NKAIN2: variants seen among roughly 807,000 people sequenced by gnomAD.
NKAIN2 encodes sodium/potassium transporting ATPase interacting 2.
NKAIN2 carries 14 observed loss-of-function variants against 32.6 expected under a neutral mutation model. The observed-to-expected ratio is 0.43, with a 90% CI of 0.28 to 0.67. NKAIN2 has a LOEUF of 0.67. Ranked by LOEUF, NKAIN2 falls within the 30% of genes least tolerant of loss-of-function variation. The pLI, the probability that NKAIN2 is intolerant of heterozygous loss-of-function variation, is 0.17. For missense variants in NKAIN2, 198 were observed against 258.3 expected, an observed-to-expected ratio of 0.77 and a Z score of 1.60; for synonymous variants, 80 against 87.2, an observed-to-expected ratio of 0.92 and a Z score of 0.46.
intron 1 of NKAIN2, among the ~76,000 whole-genome samples, chr6:123,836,570 G>A (rs1395003180): frequency 4.6e-5 from 7 of 151,810 alleles, no homozygotes; most frequent in East Asian, 1.9e-4. Flanking sequence ...ATGAGGAACC[G>A]TCACAATTTG....
intron 3 of NKAIN2, among the ~76,000 whole-genome samples, chr6:124,522,977 A>T (rs1401225398): frequency 6.7e-6 from 1 of 148,986 alleles, no homozygotes; most frequent in Non-Finnish European, 1.5e-5. Flanking sequence ...CCCCGTCTCT[A>T]CTAAAAATAC....
chr6:124,807,679 C>T lies in NKAIN2; in HGVS notation c.536-10708C>T, dbSNP rs1289194569. On this transcript the variant is annotated intron_variant, in intron 5 of 6. Transcript: ENST00000368417. ...GGAAATAGAGACACAAAAAACCCTTCAAAAAATTAATGAATCCAGGAGCTG... is the reference window on the plus strand; with the variant it reads ...GGAAATAGAGACACAAAAAACCCTTTAAAAAATTAATGAATCCAGGAGCTG... Among the ~76,000 whole-genome samples, 10 of 149,864 alleles carry T rather than the reference C, an allele frequency of 6.7e-5. No homozygotes were observed. In the South Asian group the frequency reaches 1.9e-3, roughly 29 times the overall value.
chr6:124,699,622 C>T (rs2114563610), intron 4 of NKAIN2, among the ~76,000 whole-genome samples: 1 of 152,208 alleles, frequency 6.6e-6, no homozygotes, highest in East Asian at 1.9e-4. Context: ...GCACCTTCCC[C>T]ACTCTCTTGC....
chr6:123,834,929 G>A (rs1194199535), intron 1 of NKAIN2, among the ~76,000 whole-genome samples: 1 of 152,018 alleles, frequency 6.6e-6, no homozygotes, highest in East Asian at 1.9e-4. Context: ...ACTTGGTTGT[G>A]GTGTATAATT....
At chr6:124,145,677 T>C (rs893517553) in intron 1 of NKAIN2, among the ~76,000 whole-genome samples, 19 of 152,030 alleles carry the variant, frequency 1.2e-4, no homozygotes, top group Non-Finnish European at 2.5e-4. Context: ...AGCTAATTTT[T>C]TGTATTTTTA....
At chr6:124,057,979 G>T (rs1782739517) in intron 1 of NKAIN2, among the ~76,000 whole-genome samples, 1 of 151,994 alleles carries the variant, frequency 6.6e-6, no homozygotes, top group East Asian at 1.9e-4. Context: ...CAAGACAACT[G>T]CAAAGAAAAC....
intron 1 of NKAIN2, among the ~76,000 whole-genome samples, chr6:124,057,597 C>T (rs1056739534): frequency 2.0e-5 from 3 of 150,754 alleles, no homozygotes; most frequent in African/African-American, 7.3e-5. Context: ...TGGCAAGAAG[C>T]GTCAGCAGTG....
intron 4 of NKAIN2, among the ~76,000 whole-genome samples, chr6:124,741,779 CT>C (rs912252627): frequency 1.3e-5 from 2 of 151,792 alleles, no homozygotes; most frequent in Non-Finnish European, 2.9e-5. Flanking sequence ...GTCTTTTGGT[CT>C]TTTTTATTAT....
chr6:124,061,444 A>G (rs891049196), intron 1 of NKAIN2, among the ~76,000 whole-genome samples: 1 of 152,158 alleles, frequency 6.6e-6, no homozygotes, highest in African/African-American at 2.4e-5. Flanking sequence ...TATTTTTATC[A>G]AAAATTAGAC....
At chr6:124,583,719 T>C (rs755476293) in intron 3 of NKAIN2, among the ~76,000 whole-genome samples, 1 of 152,104 alleles carries the variant, frequency 6.6e-6, no homozygotes, top group Non-Finnish European at 1.5e-5. Context: ...ACTGGAAGAA[T>C]CACATTATTT....
At chr6:123,883,294 G>A (rs1297089877) in intron 1 of NKAIN2, among the ~76,000 whole-genome samples, 1 of 151,872 alleles carries the variant, frequency 6.6e-6, no homozygotes. Flanking sequence ...ATAGGCACCC[G>A]CCACCACCCC....
At chr6:124,622,988 C>G (rs886221839) in intron 3 of NKAIN2, among the ~76,000 whole-genome samples, 1 of 152,136 alleles carries the variant, frequency 6.6e-6, no homozygotes, top group Non-Finnish European at 1.5e-5. Context: ...TTTTGGGCCA[C>G]AGGTATCCAG....
chr6:123,975,971 G>GA (rs1778547183), intron 1 of NKAIN2, among the ~76,000 whole-genome samples: 1 of 151,798 alleles, frequency 6.6e-6, no homozygotes, highest in Non-Finnish European at 1.5e-5. Context: ...GATCATGGGG[G>GA]CGGGTCTTTT....
chr6:123,989,930 G>A (rs143456676), intron 1 of NKAIN2, among the ~76,000 whole-genome samples: 1 of 152,308 alleles, frequency 6.6e-6, no homozygotes, highest in African/African-American at 2.4e-5. Flanking sequence ...ACACAGCTAT[G>A]AAGAAGTACT....
At chr6:124,503,086 G>A (rs1778355584) in intron 3 of NKAIN2, among the ~76,000 whole-genome samples, 1 of 152,014 alleles carries the variant, frequency 6.6e-6, no homozygotes, top group African/African-American at 2.4e-5. Context: ...CAAGAAAATA[G>A]TACATCTTTC....
At chr6:124,428,456 G>C (rs1292464157) in intron 3 of NKAIN2, among the ~76,000 whole-genome samples, 5 of 152,150 alleles carry the variant, frequency 3.3e-5, no homozygotes, top group African/African-American at 1.2e-4. Flanking sequence ...GAAAGCAGCT[G>C]CATTTCTGTT....
intron 4 of NKAIN2, among the ~76,000 whole-genome samples, chr6:124,722,707 G>A (rs1420272024): frequency 6.6e-6 from 1 of 152,186 alleles, no homozygotes; most frequent in African/African-American, 2.4e-5. Flanking sequence ...ACAGGCCACA[G>A]ACTAGTTCCC....
At chr6:124,054,407 C>A (rs1370797309) in intron 1 of NKAIN2, among the ~76,000 whole-genome samples, 1 of 152,026 alleles carries the variant, frequency 6.6e-6, no homozygotes, top group Non-Finnish European at 1.5e-5. Flanking sequence ...AGAATTGGAC[C>A]AAGGGCCTAA....
chr6:124,725,032 G>A (rs1458829056), intron 4 of NKAIN2, among the ~76,000 whole-genome samples: 2 of 152,142 alleles, frequency 1.3e-5, no homozygotes, highest in African/African-American at 4.8e-5. Flanking sequence ...AGTTTACCCA[G>A]TGTCTACTAG....
Sources: allele counts gnomAD v4.1 joint callset (sites outside exome capture counted in the v4.1 genomes callset), GRCh38; gene constraint gnomAD v4.1.1; transcripts MANE v1.5; gene names NCBI Gene and HGNC (gene_info 2026-07-23, HGNC 2026-07-21).